The following ARFGEF2 variants were observed in gnomAD, a reference collection of about 807,000 sequenced individuals.
ARFGEF2 encodes the protein brefeldin A-inhibited guanine nucleotide-exchange protein 2.
In ARFGEF2, 74 loss-of-function variants were observed where a neutral mutation model predicts 219.9. That is an observed-to-expected ratio of 0.34 (90% CI 0.28 to 0.41). The LOEUF is 0.41. ARFGEF2 is among the 10% of genes least tolerant of loss of function. The pLI, the probability that ARFGEF2 is intolerant of heterozygous loss-of-function variation, is 1.00. For synonymous variants in ARFGEF2, 733 were observed against 799.2 expected, an observed-to-expected ratio of 0.92 and a Z score of 1.40; for missense variants, 1,743 against 2,218.3, an observed-to-expected ratio of 0.79 and a Z score of 4.30.
At chr20:48,928,330 C>A (rs1311969610) in intron 1 of ARFGEF2, among the ~76,000 whole-genome samples, 5 of 144,162 alleles carry the variant, frequency 3.5e-5, no homozygotes, top group Non-Finnish European at 7.5e-5. Flanking sequence ...TCCCGAGTAG[C>A]TGGGACTACA....
At position 49,018,935 on chromosome 20, in the gene ARFGEF2, G is replaced by C. The variant is rs764238309; in HGVS notation, c.4561G>C (p.Glu1521Gln). ...AAGCAGCATAGATAAAAATCCCTCT[G>C]AGAGGGGACAGAGCCAGCTCTCTAA... ...SLSSIDKNPSERGQSQLSNPT... is the reference protein window; with the variant it reads ...SLSSIDKNPSQRGQSQLSNPT... The change falls in exon 34 of 39, where the codon GAG (glutamate) becomes CAG (glutamine). Residue 1521 changes from glutamate to glutamine, a missense_variant. This residue lies in a region of ARFGEF2 where 578 missense variants were observed against 664.0 expected (regional missense o/e 0.87). Transcript: ENST00000371917. The C allele has an allele frequency of 3.7e-6, 6 of 1,613,938 alleles. No individual in the cohort carries two copies. The African/African-American group carries it at 6.7e-5, about 18-fold the overall frequency.
intron 21 of ARFGEF2, among the ~76,000 whole-genome samples, chr20:48,993,798 A>T (rs1350763956): frequency 2.0e-5 from 3 of 152,208 alleles, no homozygotes; most frequent in Non-Finnish European, 4.4e-5. Flanking sequence ...TGCATGCCTG[A>T]TGTAGAGCAT....
At chr20:48,954,773 T>C (rs905663576) in intron 6 of ARFGEF2, among the ~76,000 whole-genome samples, 3 of 152,142 alleles carry the variant, frequency 2.0e-5, no homozygotes, top group African/African-American at 7.2e-5. Context: ...TGGTGTTGTG[T>C]CTCAGGGTGA....
At chr20:48,984,149 C>T (rs373356277) in intron 14 of ARFGEF2, among the ~76,000 whole-genome samples, 8 of 152,292 alleles carry the variant, frequency 5.3e-5, no homozygotes, top group South Asian at 4.1e-4. Flanking sequence ...AAGGCTGCTA[C>T]GGTGGCCCTT....
At chr20:49,019,688 G>C (rs1033332900) in intron 34 of ARFGEF2, among the ~76,000 whole-genome samples, 3 of 152,096 alleles carry the variant, frequency 2.0e-5, no homozygotes, top group Non-Finnish European at 4.4e-5. Context: ...GATCTTTTTA[G>C]ATGAAATACA....
At chr20:49,032,998 T>G (rs767618967) in intron 38 of ARFGEF2, 25 bp from the exon 39 acceptor site, 53 of 1,613,408 alleles carry the variant, frequency 3.3e-5, no homozygotes, top group Non-Finnish European at 4.3e-5. Context: ...TTGTCTAATT[T>G]TATCTGTTTC....
intron 25 of ARFGEF2, among the ~76,000 whole-genome samples, chr20:49,002,278 C>T (rs776906025): frequency 3.8e-4 from 58 of 152,072 alleles, no homozygotes; most frequent in Non-Finnish European, 7.4e-4. Flanking sequence ...AATAGAATAA[C>T]CATCTTAACA....
At position 49,013,933 on chromosome 20, in the gene ARFGEF2, T is replaced by C. The variant is rs778142560; in HGVS notation, c.4152T>C (p.Asn1384=). 2 of 1,613,918 alleles carry C rather than the reference T, an allele frequency of 1.2e-6. No individual in the cohort carries two copies. Among genetic ancestry groups the C allele is most frequent in the East Asian group, 2.2e-5 (1 of 44,884 alleles). ...LFRIVFRIFD[N]MKLPEQLSEK... ...GAATCGTGTTTCGGATTTTTGACAA[T>C]ATGAAACTCCCTGAGCAACTGTCAG... Residue 1384 remains asparagine (N), a synonymous_variant, in exon 30 of 39, where the codon AAT becomes AAC. Coordinates refer to ENST00000371917, the MANE Select transcript of ARFGEF2 (RefSeq NM_006420.3).
chr20:49,010,383 C>A lies in ARFGEF2; in HGVS notation c.3736C>A (p.Gln1246Lys), dbSNP rs2091490664. The A allele has an allele frequency of 6.2e-7, 1 of 1,614,058 alleles. No homozygotes were observed. The highest frequency in any genetic ancestry group is 8.5e-7 in the Non-Finnish European group (1 of 1,180,042). ...TGGGAACATTGTGGAGCTGGCCTTC[C>A]AGACCACTTGCCACATTGTCAGTAA... ...HDGNIVELAF[Q>K]TTCHIVTTIF... Residue 1246 changes from glutamine (Q) to lysine (K), a missense_variant, in exon 27 of 39, where the codon CAG (glutamine) becomes AAG (lysine). This residue lies in a region of ARFGEF2 where 578 missense variants were observed against 664.0 expected (regional missense o/e 0.87). Transcript: ENST00000371917.
At chr20:48,982,912 T>G (rs931857450) in intron 14 of ARFGEF2, among the ~76,000 whole-genome samples, 13 of 152,194 alleles carry the variant, frequency 8.5e-5, no homozygotes. Flanking sequence ...ATGGCTTCCC[T>G]TGGCTAGGAA....
At position 49,033,170 on chromosome 20, in the gene ARFGEF2, G is replaced by A; in HGVS notation, c.5329G>A (p.Val1777Ile). Residue 1777 changes from valine (V) to isoleucine (I), a missense_variant, in exon 39 of 39, where the codon GTA becomes ATA. Val to Ile is a conservative substitution (Grantham distance 29). Around this residue, in one of 5 missense-constraint regions of ARFGEF2, gnomAD observed 578 missense variants for 664.0 expected, o/e 0.87. Coordinates refer to ENST00000371917, the MANE Select transcript of ARFGEF2 (RefSeq NM_006420.3). ...KIWIPEEPSQVPAALSPVW is the reference protein window; with the variant it reads ...KIWIPEEPSQIPAALSPVW ...ATGGATACCAGAAGAGCCATCACAG[G>A]TACCAGCAGCACTGTCACCAGTGTG... 1 of 1,614,200 alleles carries A rather than the reference G, an allele frequency of 6.2e-7. No individual in the cohort carries two copies. Among genetic ancestry groups the A allele is most frequent in the Non-Finnish European group, 8.5e-7 (1 of 1,180,024 alleles).
intron 34 of ARFGEF2, among the ~76,000 whole-genome samples, chr20:49,021,835 ACT>A (rs1262338308): frequency 7.5e-6 from 1 of 133,422 alleles, no homozygotes; most frequent in Non-Finnish European, 1.6e-5. Context: ...ACACAGCGAG[ACT>A]CTGTCTCAAA....
intron 14 of ARFGEF2, among the ~76,000 whole-genome samples, chr20:48,981,086 T>C (rs1261250181): frequency 6.6e-6 from 1 of 152,262 alleles, no homozygotes; most frequent in Non-Finnish European, 1.5e-5. Flanking sequence ...CGATGGTCTT[T>C]ACAATTTGGC....
chr20:48,930,079 C>G (rs909174839), intron 1 of ARFGEF2, among the ~76,000 whole-genome samples: 2 of 152,182 alleles, frequency 1.3e-5, no homozygotes, highest in African/African-American at 4.8e-5. Flanking sequence ...TTTTGTGCTG[C>G]TTTAACAGAA....
chr20:49,019,393 C>G (rs996035515), intron 34 of ARFGEF2, among the ~76,000 whole-genome samples: 1 of 152,138 alleles, frequency 6.6e-6, no homozygotes, highest in Admixed American at 6.6e-5. Flanking sequence ...AGAGATCATT[C>G]AAAATCAGTA....
At chr20:48,935,943 G>A (rs181988825) in intron 1 of ARFGEF2, among the ~76,000 whole-genome samples, 4 of 131,298 alleles carry the variant, frequency 3.0e-5, no homozygotes, top group Admixed American at 7.4e-5. Context: ...TGGCCGGGGG[G>A]GGGGGCTGAC....
intron 1 of ARFGEF2, among the ~76,000 whole-genome samples, chr20:48,933,289 GTCC>G (rs1232828912): frequency 6.6e-6 from 1 of 152,118 alleles, no homozygotes; most frequent in Non-Finnish European, 1.5e-5. Flanking sequence ...TTCCTGCACC[GTCC>G]TCCTTCTGTC....
rs752955081 is a variant in ARFGEF2, at chr20:48,998,399, G to A, written c.3326G>A (p.Arg1109His). 9.3e-6 allele frequency: 15 copies of A among 1,613,934 alleles called. No homozygotes were observed. Among genetic ancestry groups the A allele is most frequent in the Non-Finnish European group, 1.2e-5 (14 of 1,180,032 alleles). ...MDELASPHHP[R>H]MFSLQKIVEI... ...GAACTGGCTTCCCCCCACCATCCTC[G>A]CATGTTCAGCTTGCAGAAGATTGTG... Residue 1109 changes from arginine (R) to histidine (H), a missense_variant, in exon 25 of 39, where the codon CGC becomes CAC. Around this residue, in one of 5 missense-constraint regions of ARFGEF2, gnomAD observed 666 missense variants for 955.4 expected, o/e 0.70. Transcript: ENST00000371917.
At chr20:48,957,223 C>G (rs950816712) in intron 6 of ARFGEF2, among the ~76,000 whole-genome samples, 2 of 152,130 alleles carry the variant, frequency 1.3e-5, no homozygotes, top group Non-Finnish European at 2.9e-5. Flanking sequence ...TGTTGCCAAC[C>G]CTGATAACTT....
Sources: allele counts gnomAD v4.1 joint callset (sites outside exome capture counted in the v4.1 genomes callset), GRCh38; gene constraint gnomAD v4.1.1; regional missense constraint gnomAD v4.1.1; transcripts MANE v1.5; gene names NCBI Gene and HGNC (gene_info 2026-07-23, HGNC 2026-07-21).